FOXN3: variants seen among roughly 807,000 people sequenced by gnomAD.
FOXN3 encodes forkhead box protein N3.
In FOXN3, 7 loss-of-function variants were observed where a neutral mutation model predicts 38.4. The observed-to-expected ratio is 0.18, with a 90% CI of 0.10 to 0.34. The LOEUF is 0.34. FOXN3 is among the 10% of genes least tolerant of loss of function. The probability of loss-of-function intolerance (pLI) is 1.00; values close to 1 mark genes in which losing one functional copy is unlikely to be tolerated. For synonymous variants in FOXN3, 230 were observed against 242.2 expected (o/e 0.95, Z 0.47); for missense variants, 456 against 613.4 (o/e 0.74, Z 2.71).
At chr14:89,377,071 G>A (rs58699236) in intron 2 of FOXN3, among the ~76,000 whole-genome samples, 1,769 of 101,804 alleles carry the variant, frequency 0.017, 36 homozygotes, top group African/African-American at 0.059. Context: ...GCCTACATAA[G>A]CATTTGGATC....
At chr14:89,482,155 C>A (rs1893344359) in intron 1 of FOXN3, among the ~76,000 whole-genome samples, 1 of 152,158 alleles carries the variant, frequency 6.6e-6, no homozygotes, top group Non-Finnish European at 1.5e-5. Flanking sequence ...TAATAATAAG[C>A]AAACAAAGGC....
intron 2 of FOXN3, among the ~76,000 whole-genome samples, chr14:89,357,105 C>T (rs1280313149): frequency 6.6e-6 from 1 of 152,070 alleles, no homozygotes; most frequent in African/African-American, 2.4e-5. Context: ...AATCCCAGCA[C>T]TTTAGGAGGC....
chr14:89,402,396 C>G (rs71426913), intron 2 of FOXN3, among the ~76,000 whole-genome samples: 371 of 152,356 alleles, frequency 2.4e-3, no homozygotes, highest in Non-Finnish European at 3.6e-3. Flanking sequence ...TTTCCTCTGA[C>G]GCTGTTCCAA....
intron 1 of FOXN3, among the ~76,000 whole-genome samples, chr14:89,465,831 G>C (rs1292278123): frequency 4.6e-5 from 7 of 152,208 alleles, no homozygotes; most frequent in African/African-American, 1.7e-4. Flanking sequence ...GAGCTTTCTA[G>C]ATGCAGTAAG....
chr14:89,401,303 A>G, intron 2 of FOXN3, among the ~76,000 whole-genome samples: 1 of 152,104 alleles, frequency 6.6e-6, no homozygotes, highest in East Asian at 1.9e-4. Flanking sequence ...TTAGCTGGGC[A>G]TGGTGGCATG....
chr14:89,197,276 G>A (rs1402508131), intron 4 of FOXN3, among the ~76,000 whole-genome samples: 1 of 152,202 alleles, frequency 6.6e-6, no homozygotes, highest in African/African-American at 2.4e-5. Context: ...GGGAGGCCAA[G>A]GTGGCAGATT....
intron 4 of FOXN3, among the ~76,000 whole-genome samples, chr14:89,235,078 C>T (rs952162754): frequency 1.2e-4 from 18 of 152,160 alleles, no homozygotes; most frequent in African/African-American, 4.3e-4. Flanking sequence ...CTGGCAACTG[C>T]CCCCTGAGAG....
chr14:89,274,634 G>A (rs1350225812), intron 4 of FOXN3, among the ~76,000 whole-genome samples: 1 of 152,208 alleles, frequency 6.6e-6, no homozygotes, highest in Non-Finnish European at 1.5e-5. Context: ...TTCAGCCCCA[G>A]TTAACTGTGA....
At chr14:89,529,687 T>C (rs147924562) in intron 1 of FOXN3, among the ~76,000 whole-genome samples, 11 of 151,268 alleles carry the variant, frequency 7.3e-5, no homozygotes, top group Non-Finnish European at 1.3e-4. Context: ...ATATTCTAGA[T>C]ATTGCAGAAA....
chr14:89,256,608 G>A (rs1300494568), intron 4 of FOXN3, among the ~76,000 whole-genome samples: 1 of 152,162 alleles, frequency 6.6e-6, no homozygotes, highest in African/African-American at 2.4e-5. Context: ...TCTTCCCACT[G>A]AGCAAGGTGT....
intron 1 of FOXN3, among the ~76,000 whole-genome samples, chr14:89,496,136 C>T (rs1294689532): frequency 6.6e-6 from 1 of 152,084 alleles, no homozygotes; most frequent in Non-Finnish European, 1.5e-5. Context: ...TCTCTTGAAC[C>T]CGGGAGGCGG....
intron 4 of FOXN3, among the ~76,000 whole-genome samples, chr14:89,232,331 T>C (rs1047897976): frequency 6.6e-6 from 1 of 152,214 alleles, no homozygotes; most frequent in Admixed American, 6.5e-5. Flanking sequence ...ATTCTGCAGA[T>C]AGTGTTACTG....
intron 1 of FOXN3, among the ~76,000 whole-genome samples, chr14:89,573,874 T>TA (rs1487512706): frequency 1.3e-5 from 2 of 151,774 alleles, no homozygotes; most frequent in East Asian, 1.9e-4. Context: ...TCTATTTTAA[T>TA]AAAAAAACTA....
intron 4 of FOXN3, among the ~76,000 whole-genome samples, chr14:89,243,115 A>G (rs1431941042): frequency 6.6e-6 from 1 of 152,018 alleles, no homozygotes; most frequent in Non-Finnish European, 1.5e-5. Flanking sequence ...GAGAAGACAG[A>G]CCCTCCCTCC....
At chr14:89,235,787 A>T (rs1338906664) in intron 4 of FOXN3, among the ~76,000 whole-genome samples, 3 of 143,140 alleles carry the variant, frequency 2.1e-5, no homozygotes, top group Admixed American at 2.0e-4. Flanking sequence ...GGATGGGGCC[A>T]CAAGTCGAGG....
At chr14:89,262,548 T>G (rs1365421714) in intron 4 of FOXN3, among the ~76,000 whole-genome samples, 3 of 152,124 alleles carry the variant, frequency 2.0e-5, no homozygotes, top group Admixed American at 6.5e-5. Context: ...GTTAAACTAG[T>G]CAAAATCAGG....
In FOXN3 at chr14:89,238,375, C is replaced by T. The variant is rs78739660; in HGVS notation, c.745+42575G>A. ...ACACAGATACCAGGGACATCTGGAACAAATCTGATCTTCAAATTATGTTTT... is the reference window on the plus strand; with the variant it reads ...ACACAGATACCAGGGACATCTGGAATAAATCTGATCTTCAAATTATGTTTT... On this transcript the variant is annotated intron_variant, in intron 4 of 5. Coordinates refer to ENST00000557258, the MANE Select transcript of FOXN3 (RefSeq NM_005197.4). 5.1e-3 allele frequency among the ~76,000 whole-genome samples: 773 copies of T among 152,320 alleles called. 7 individuals are homozygous for T. Among genetic ancestry groups the T allele is most frequent in the African/African-American group, 0.017 (720 of 41,572 alleles).
intron 1 of FOXN3, among the ~76,000 whole-genome samples, chr14:89,517,187 A>T (rs1894223365): frequency 6.6e-6 from 1 of 151,846 alleles, no homozygotes; most frequent in Non-Finnish European, 1.5e-5. Context: ...ACATGGTGAA[A>T]CTCCATCTCT....
chr14:89,493,793 G>A (rs932978593), intron 1 of FOXN3, among the ~76,000 whole-genome samples: 3 of 150,728 alleles, frequency 2.0e-5, no homozygotes, highest in Non-Finnish European at 2.9e-5. Flanking sequence ...TTGCACATTC[G>A]ATTTGCTTTA....
Sources: allele counts gnomAD v4.1 joint callset (sites outside exome capture counted in the v4.1 genomes callset), GRCh38; gene constraint gnomAD v4.1.1; transcripts MANE v1.5; gene names NCBI Gene and HGNC (gene_info 2026-07-23, HGNC 2026-07-21).